UFM1: variants seen among roughly 807,000 people sequenced by gnomAD.
UFM1 encodes ubiquitin-fold modifier 1.
A neutral mutation model predicts 15.4 loss-of-function variants in UFM1; 9 were observed. The observed-to-expected ratio is 0.59, with a 90% CI of 0.35 to 1.02. UFM1 has a LOEUF of 1.02. Ranked by LOEUF, UFM1 falls within the 50% of genes least tolerant of loss-of-function variation. The pLI, the probability that UFM1 is intolerant of heterozygous loss-of-function variation, is 0.02. For synonymous variants in UFM1, 27 were observed against 36.3 expected, an observed-to-expected ratio of 0.74 and a Z score of 0.92; for missense variants, 98 against 104.7, an observed-to-expected ratio of 0.94 and a Z score of 0.28.
chr13:38,359,016 C>A (rs1041047725), intron 4 of UFM1, among the ~76,000 whole-genome samples: 2 of 151,956 alleles, frequency 1.3e-5, no homozygotes, highest in African/African-American at 4.8e-5. Context: ...ATTTTTAATT[C>A]TATATGGCAA....
chr13:38,362,388 G>A lies in UFM1; in HGVS notation c.*1610G>A, dbSNP rs558845773. ...TGTGACAAATGAACAGCAGGATTAT[G>A]AATTATCAAAGGAAAAAGTATTTGC... On this transcript the variant is annotated 3_prime_UTR_variant, in exon 6 of 6. Coordinates refer to ENST00000239878, the MANE Select transcript of UFM1 (RefSeq NM_016617.4). The A allele has an allele frequency of 4.7e-4, 71 of 151,994 alleles. No individual in the cohort carries two copies. Among genetic ancestry groups the A allele is most frequent in the African/African-American group, 1.7e-3 (70 of 41,478 alleles). The allele number at this position is 151,994 out of a possible 1,614,324, so 9.4% of individuals were successfully genotyped here.
intron 2 of UFM1, among the ~76,000 whole-genome samples, chr13:38,353,963 T>C (rs2485787): frequency 0.026 from 4,001 of 152,174 alleles, 196 homozygotes; most frequent in African/African-American, 0.093. Context: ...CTTACATGTA[T>C]GAAAGTGTTA....
At chr13:38,360,594 G>C (rs1879323701) in intron 5 of UFM1, 117 bp from the exon 6 acceptor site, 1 of 715,282 alleles carries the variant, frequency 1.4e-6, no homozygotes, top group African/African-American at 1.8e-5. Flanking sequence ...CATGATGCTT[G>C]AGCTTTTGTA....
intron 3 of UFM1, chr13:38,354,691 C>T (rs1178919014): frequency 6.4e-6 from 1 of 155,382 alleles, no homozygotes; most frequent in Admixed American, 6.5e-5. Context: ...TTCAAATTTT[C>T]TATATGAGCA....
rs1198711729 is a variant in UFM1, at chr13:38,349,861, A to G, written c.-59A>G. On this transcript the variant is annotated 5_prime_UTR_variant, in exon 1 of 6. Coordinates refer to ENST00000239878, the MANE Select transcript of UFM1 (RefSeq NM_016617.4). ...AGCGGGGCGGTCCCCAGCACACTAGAGGAAGTCGTGCTACCCCCGCGGAGT... is the reference window on the plus strand; with the variant it reads ...AGCGGGGCGGTCCCCAGCACACTAGGGGAAGTCGTGCTACCCCCGCGGAGT... 9.9e-6 allele frequency: 16 copies of G among 1,613,714 alleles called. No homozygotes were observed. Among genetic ancestry groups the G allele is most frequent in the Non-Finnish European group, 9.3e-6 (11 of 1,179,688 alleles).
At chr13:38,359,219 T>C (rs944570898) in intron 4 of UFM1, 82 bp from the exon 5 acceptor site, 2 of 1,338,138 alleles carry the variant, frequency 1.5e-6, no homozygotes, top group African/African-American at 2.9e-5. Flanking sequence ...ACAGCACTAT[T>C]TTGGCAAATC....
At chr13:38,354,810 A>G (rs1160957018) in intron 3 of UFM1, 1 of 152,048 alleles carries the variant, frequency 6.6e-6, no homozygotes, top group Admixed American at 6.6e-5. Context: ...AATTATTAGA[A>G]ATATCTATAA....
In UFM1 at chr13:38,361,655, A is replaced by C. The variant is rs558810615; in HGVS notation, c.*877A>C. The C allele has an allele frequency of 5.9e-5, 9 of 152,338 alleles. No individual in the cohort carries two copies. The highest frequency in any genetic ancestry group is 1.9e-4 in the African/African-American group (8 of 41,576). The allele number at this position is 152,338 out of a possible 1,614,324, so 9.4% of individuals were successfully genotyped here. On this transcript the variant is annotated 3_prime_UTR_variant, in exon 6 of 6. Coordinates refer to ENST00000239878, the MANE Select transcript of UFM1 (RefSeq NM_016617.4). Reference sequence around the variant, plus strand: ...TACAGATCGGAAGTGCTGATGAGTTATATTTATTGAAAACCCAACTTTTAA... The same window carrying C: ...TACAGATCGGAAGTGCTGATGAGTTCTATTTATTGAAAACCCAACTTTTAA...
Position 38,350,024 on chromosome 13 carries a change from C to T in UFM1, c.28C>T (p.Leu10=). Residue 10 remains leucine (L), a synonymous_variant, in exon 2 of 6, where the codon CTG becomes TTG. Coordinates refer to ENST00000239878, the MANE Select transcript of UFM1 (RefSeq NM_016617.4). ...GTCGAAGGTTTCCTTTAAGATCACG[C>T]TGACGTCGGACCCACGGCTGCCGTA... The part of the protein sequence containing the change: MSKVSFKIT[L]TSDPRLPYKV... 6.2e-7 allele frequency: 1 copy of T among 1,614,244 alleles called. No individual in the cohort carries two copies. Among genetic ancestry groups the T allele is most frequent in the African/African-American group, 1.3e-5 (1 of 75,056 alleles).
At chr13:38,353,036 T>C (rs971797755) in intron 2 of UFM1, among the ~76,000 whole-genome samples, 1 of 152,206 alleles carries the variant, frequency 6.6e-6, no homozygotes, top group Non-Finnish European at 1.5e-5. Flanking sequence ...GTTTTTATTT[T>C]TTTCCACCCC....
At chr13:38,355,438 G>C (rs1163282802) in intron 3 of UFM1, among the ~76,000 whole-genome samples, 1 of 151,758 alleles carries the variant, frequency 6.6e-6, no homozygotes, top group Non-Finnish European at 1.5e-5. Context: ...TCTAGTCTGG[G>C]GCATAACAGA....
chr13:38,349,910 C>T lies in UFM1; in HGVS notation c.-10C>T, dbSNP rs764199291. On this transcript the variant is annotated 5_prime_UTR_variant, in exon 1 of 6. Coordinates refer to ENST00000239878, the MANE Select transcript of UFM1 (RefSeq NM_016617.4). ...GTTGTCGTGTGTTCTGGATTCATTC[C>T]GGCACCACCATGTAAGTGTTTGCTT... The T allele has an allele frequency of 5.0e-6, 8 of 1,614,116 alleles. No homozygotes were observed. Among genetic ancestry groups the T allele is most frequent in the East Asian group, 2.2e-5 (1 of 44,860 alleles).
chr13:38,351,032 AT>A (rs1216975914), intron 2 of UFM1, among the ~76,000 whole-genome samples: 1 of 152,170 alleles, frequency 6.6e-6, no homozygotes, highest in Non-Finnish European at 1.5e-5. Flanking sequence ...ATTTACTATA[AT>A]TTCTCATCTA....
At chr13:38,358,181 G>T in intron 4 of UFM1, 49 bp downstream of exon 4, 1 of 1,206,868 alleles carries the variant, frequency 8.3e-7, no homozygotes, top group Non-Finnish European at 1.1e-6. Flanking sequence ...TATAGAAATG[G>T]TGTAAAAGGA....
intron 2 of UFM1, among the ~76,000 whole-genome samples, chr13:38,351,144 TC>T (rs1333729822): frequency 6.6e-6 from 1 of 152,222 alleles, no homozygotes; most frequent in African/African-American, 2.4e-5. Flanking sequence ...AGTCCATTGG[TC>T]CACCTTTAAA....
rs1878968482 is a variant in UFM1 at position 38,353,818 on chromosome 13, T to G, written c.60-421T>G. Among the ~76,000 whole-genome samples the G allele has an allele frequency of 2.0e-5, 3 of 152,220 alleles. No individual in the cohort carries two copies. The South Asian group carries it at 6.2e-4, about 32-fold the overall frequency. On this transcript the variant is annotated intron_variant, in intron 2 of 5. Transcript: ENST00000239878. ...TGATGCTTCCCAAGTAGCCTTCTAC[T>G]TATAATGAAAATGATAACATTACTG...
Position 38,360,697 on chromosome 13 carries a change from G to A in UFM1, c.191-14G>A, listed in dbSNP as rs760592694. On this transcript the variant is annotated splice_polypyrimidine_tract_variant and intron_variant, in intron 5 of 5. Transcript: ENST00000239878. Reference sequence around the variant, plus strand: ...TTTTAGATATCTAACTTTATGTTTTGTTTGTTTGTATAGGAAATGTTTTTC... The same window carrying A: ...TTTTAGATATCTAACTTTATGTTTTATTTGTTTGTATAGGAAATGTTTTTC... 3 of 1,580,940 alleles carry A rather than the reference G, an allele frequency of 1.9e-6. No homozygotes were observed. The Admixed American group carries it at 5.1e-5, about 27-fold the overall frequency.
At chr13:38,357,550 G>C (rs888016688) in intron 3 of UFM1, among the ~76,000 whole-genome samples, 3 of 150,840 alleles carry the variant, frequency 2.0e-5, no homozygotes, top group Non-Finnish European at 3.0e-5. Context: ...ATATAGTCCA[G>C]TTGACCCTTG....
intron 2 of UFM1, chr13:38,350,282 G>A (rs1358206301): frequency 3.1e-5 from 48 of 1,535,158 alleles, no homozygotes; most frequent in Non-Finnish European, 4.1e-5. Flanking sequence ...TCACGAGGGT[G>A]TGGGTGTGTT....
Sources: gnomAD v4.1 joint callset for allele counts (sites outside exome capture counted in the v4.1 genomes callset) on GRCh38, gnomAD v4.1.1 for gene constraint, MANE v1.5 for transcripts, NCBI Gene and HGNC (gene_info 2026-07-23, HGNC 2026-07-21) for gene names.